NAGA: variants seen among roughly 807,000 people sequenced by gnomAD.
The protein encoded by NAGA is alpha-N-acetylgalactosaminidase, also known as Acetylgalactosaminidase, alpha-N- (alpha-galactosidase B).
NAGA carries 42 observed loss-of-function variants against 45.6 expected under a neutral mutation model. The observed-to-expected ratio is 0.92, with a 90% CI of 0.72 to 1.19. NAGA has a LOEUF of 1.19. Ranked by LOEUF, NAGA falls within the 50% of genes most tolerant of loss-of-function variation. The probability of loss-of-function intolerance (pLI) is 0.00; values close to 1 mark genes in which losing one functional copy is unlikely to be tolerated. For missense variants in NAGA, 493 were observed against 544.8 expected, an observed-to-expected ratio of 0.90 and a Z score of 0.95; for synonymous variants, 176 against 203.1, an observed-to-expected ratio of 0.87 and a Z score of 1.13.
chr22:42,066,794 C>A lies in NAGA; in HGVS notation c.513G>T (p.Lys171Asn). The A allele has an allele frequency of 1.2e-6, 2 of 1,605,234 alleles. No homozygotes were observed. The highest frequency in any genetic ancestry group is 2.2e-5 in the South Asian group (2 of 89,564). ...TPEERAQGYP[K>N]MAAALNATGR... ...CTGTGGCATTCAGGGCAGCAGCCATCTTGGGGTACCCTAGAGAAAGCCCAA... is the reference window on the plus strand; with the variant it reads ...CTGTGGCATTCAGGGCAGCAGCCATATTGGGGTACCCTAGAGAAAGCCCAA... Residue 171 changes from lysine (K) to asparagine (N), a missense_variant, in exon 5 of 9, where the codon AAG (lysine) becomes AAT (asparagine). Transcript: ENST00000396398.
chr22:42,068,525 G>GAC lies in NAGA; in HGVS notation c.65_66insGT (p.Leu23SerfsTer29). 1 of 1,614,170 alleles carries GAC rather than the reference G, an allele frequency of 6.2e-7. No individual in the cohort carries two copies. The highest frequency in any genetic ancestry group is 8.5e-7 in the Non-Finnish European group (1 of 1,180,026). On this transcript the variant is annotated frameshift_variant, in exon 2 of 9. Coordinates refer to ENST00000396398, the MANE Select transcript of NAGA (RefSeq NM_000262.3). LOFTEE classifies it high-confidence loss of function. ...GCCAGCCCATGGGTGGTGTCTGCAGGAGCCCATTGTCCAGCATCAGCACCT... is the reference window on the plus strand; with the variant it reads ...GCCAGCCCATGGGTGGTGTCTGCAGGACAGCCCATTGTCCAGCATCAGCACCT...
At chr22:42,064,602 G>A (rs1274537392) in intron 6 of NAGA, among the ~76,000 whole-genome samples, 3 of 151,718 alleles carry the variant, frequency 2.0e-5, no homozygotes, top group Non-Finnish European at 4.4e-5. Flanking sequence ...CCGAGATCGC[G>A]CCATTGCACT....
At position 42,065,914 on chromosome 22, in the gene NAGA, G is replaced by A. The variant is rs2854827; in HGVS notation, c.598-15C>T. 0.19 allele frequency: 309,808 copies of A among 1,612,718 alleles called. 32,162 individuals carry two copies. Among genetic ancestry groups the A allele is most frequent in the African/African-American group, 0.29 (21,433 of 74,946 alleles). On this transcript the variant is annotated splice_polypyrimidine_tract_variant and intron_variant, in intron 5 of 8. Transcript: ENST00000396398. The stretch of plus-strand genomic sequence containing the variant: ...CTGTAGTTCACCTGGATGTCGAGGG[G>A]AAGGCAGAGTCCAGCACCAGAATCA...
At position 42,060,051 on chromosome 22, in the gene NAGA, G is replaced by A. The variant is rs1259903758; in HGVS notation, c.*228C>T. On this transcript the variant is annotated 3_prime_UTR_variant, in exon 9 of 9. Transcript: ENST00000396398. ...CGTCTGTGGGGCTGCGCACATGGAA[G>A]TAGAGGCCAGGAAGGCCACAGGAAA... The A allele has an allele frequency of 1.8e-6, 1 of 565,442 alleles. No individual in the cohort carries two copies. The allele number at this position is 565,442 out of a possible 1,614,324, so 35.0% of individuals were successfully genotyped here.
intron 7 of NAGA, among the ~76,000 whole-genome samples, chr22:42,061,808 C>T (rs992543895): frequency 6.6e-6 from 1 of 151,810 alleles, no homozygotes; most frequent in Non-Finnish European, 1.5e-5. Flanking sequence ...AAAAATTAGC[C>T]GGGTGTGGTG....
chr22:42,066,942 A>G, intron 4 of NAGA, 138 bp from the exon 5 acceptor site: 2 of 1,366,658 alleles, frequency 1.5e-6, no homozygotes, highest in Admixed American at 1.7e-5. Flanking sequence ...AGAGCCTCAA[A>G]TGCTTCCAGG....
At chr22:42,069,390 G>A (rs116516647) in intron 1 of NAGA, among the ~76,000 whole-genome samples, 4,360 of 152,084 alleles carry the variant, frequency 0.029, 200 homozygotes, top group African/African-American at 0.099. Context: ...CGAGGTGGGC[G>A]GATCACCGTA....
At chr22:42,062,708 T>C (rs1260283441) in intron 7 of NAGA, 119 bp downstream of exon 7, 2 of 1,146,218 alleles carry the variant, frequency 1.7e-6, no homozygotes, top group Admixed American at 3.4e-5. Flanking sequence ...GTAGCCCTGG[T>C]TGGGGACTGG....
chr22:42,060,448 G>T (rs1318064533), intron 8 of NAGA, 35 bp from the exon 9 acceptor site: 1 of 1,610,820 alleles, frequency 6.2e-7, no homozygotes, highest in Non-Finnish European at 8.5e-7. Flanking sequence ...ATGCCACCAT[G>T]AGAGTGGCGG....
At chr22:42,069,321 A>T (rs1926918360) in intron 1 of NAGA, among the ~76,000 whole-genome samples, 1 of 152,172 alleles carries the variant, frequency 6.6e-6, no homozygotes, top group Non-Finnish European at 1.5e-5. Context: ...GCCTACCTTA[A>T]AAATGTGGAC....
rs373563660 is a variant in NAGA, at chr22:42,070,357, G to C, written c.-60C>G. On this transcript the variant is annotated 5_prime_UTR_variant, in exon 1 of 9. Coordinates refer to ENST00000396398, the MANE Select transcript of NAGA (RefSeq NM_000262.3). ...TCTGGTCTGCGTGTATCAGCTGTAT[G>C]TGTTGGGCTCTGGAAGCTAAGAAAC... The C allele has an allele frequency of 3.9e-5, 63 of 1,604,110 alleles. No homozygotes were observed. Among genetic ancestry groups the C allele is most frequent in the Admixed American group, 1.8e-4 (11 of 59,992 alleles).
chr22:42,068,400 C>T, intron 2 of NAGA, 39 bp downstream of exon 2: 10 of 1,614,076 alleles, frequency 6.2e-6, no homozygotes, highest in Non-Finnish European at 8.5e-6. Flanking sequence ...CTGCAGGGCC[C>T]TGGGCAAGGC....
chr22:42,061,328 C>A (rs1214924900), intron 7 of NAGA, among the ~76,000 whole-genome samples: 1 of 152,232 alleles, frequency 6.6e-6, no homozygotes, highest in East Asian at 1.9e-4. Context: ...GCATGAGGCC[C>A]TGCCCCAGAA....
intron 8 of NAGA, 120 bp downstream of exon 8, chr22:42,060,804 C>T: frequency 7.0e-7 from 1 of 1,419,788 alleles, no homozygotes; most frequent in Non-Finnish European, 9.9e-7. Flanking sequence ...CCATGGGCAC[C>T]TGCCAGAGGC....
intron 8 of NAGA, 22 bp downstream of exon 8, chr22:42,060,902 C>G (rs1224510030): frequency 6.2e-7 from 1 of 1,614,122 alleles, no homozygotes; most frequent in South Asian, 1.1e-5. Flanking sequence ...AGGCGGGTGG[C>G]TGCAGGCAGC....
At position 42,066,768 on chromosome 22, in the gene NAGA, C is replaced by G. The variant is rs770563281; in HGVS notation, c.539G>C (p.Gly180Ala). Reference protein sequence around the residue: ...PKMAAALNATGRPIAFSCSWP... With the variant: ...PKMAAALNATARPIAFSCSWP... ...GCTGCAGGAGAAGGCGATGGGGCGG[C>G]CTGTGGCATTCAGGGCAGCAGCCAT... is the stretch of plus-strand genomic sequence containing the variant. The change falls in exon 5 of 9, where the codon GGC (glycine) becomes GCC (alanine). Residue 180 changes from glycine (G) to alanine (A), a missense_variant. Gly to Ala is a moderately conservative substitution (Grantham distance 60). Transcript: ENST00000396398. The G allele has an allele frequency of 1.2e-6, 2 of 1,607,142 alleles. No individual in the cohort carries two copies. The highest frequency in any genetic ancestry group is 2.2e-5 in the East Asian group (1 of 44,622).
chr22:42,059,085 C>A lies in NAGA; in HGVS notation c.*1194G>T, dbSNP rs1926216448. ...ATCCACCCAGAAAATACTCCTTGGG[C>A]AGCACAGTGCAAGGCCTGGGGCACT... On this transcript the variant is annotated 3_prime_UTR_variant, in exon 9 of 9. Coordinates refer to ENST00000396398, the MANE Select transcript of NAGA (RefSeq NM_000262.3). The A allele has an allele frequency of 6.6e-6, 1 of 152,280 alleles. No homozygotes were observed. Among genetic ancestry groups the A allele is most frequent in the Admixed American group, 6.5e-5 (1 of 15,272 alleles). 9.4% of individuals were successfully genotyped at this position (152,280 alleles called of 1,614,324 possible).
At chr22:42,066,941 A>G (rs140444553) in intron 4 of NAGA, 137 bp from the exon 5 acceptor site, 1 of 1,370,402 alleles carries the variant, frequency 7.3e-7, no homozygotes, top group Non-Finnish European at 1.0e-6. Flanking sequence ...CAGAGCCTCA[A>G]ATGCTTCCAG....
intron 2 of NAGA, among the ~76,000 whole-genome samples, chr22:42,068,179 C>T (rs1926856008): frequency 6.6e-6 from 1 of 152,202 alleles, no homozygotes; most frequent in African/African-American, 2.4e-5. Flanking sequence ...GGGGCCTGGC[C>T]TGACCTTCTA....
Sources: allele counts gnomAD v4.1 joint callset (sites outside exome capture counted in the v4.1 genomes callset), GRCh38; gene constraint gnomAD v4.1.1; transcripts MANE v1.5; gene names NCBI Gene and HGNC (gene_info 2026-07-23, HGNC 2026-07-21).